Variants in SRBD1 observed in about 807,000 individuals in gnomAD.
The protein encoded by SRBD1 is S1 RNA-binding domain-containing protein 1.
In SRBD1, 88 loss-of-function variants were observed where a neutral mutation model predicts 115.3. That is an observed-to-expected ratio of 0.76 (90% CI 0.64 to 0.91). The LOEUF is 0.91. Ranked by LOEUF, SRBD1 falls within the 40% of genes least tolerant of loss-of-function variation. The pLI, the probability that SRBD1 is intolerant of heterozygous loss-of-function variation, is 0.00. For missense variants in SRBD1, 1,385 were observed against 1,177.4 expected, an observed-to-expected ratio of 1.18 and a Z score of -2.58; for synonymous variants, 509 against 407.7, an observed-to-expected ratio of 1.25 and a Z score of -2.99.
chr2:45,400,064 C>G (rs945026527), intron 19 of SRBD1, among the ~76,000 whole-genome samples: 1 of 152,144 alleles, frequency 6.6e-6, no homozygotes, highest in African/African-American at 2.4e-5. Flanking sequence ...GCCATCCTGT[C>G]AAGGAATCCT....
chr2:45,521,657 A>G (rs1572729529), intron 14 of SRBD1, among the ~76,000 whole-genome samples: 1 of 152,246 alleles, frequency 6.6e-6, no homozygotes, highest in East Asian at 1.9e-4. Flanking sequence ...CATATATATT[A>G]CCAGCAATTA....
At chr2:45,531,193 T>C (rs1394929040) in intron 14 of SRBD1, among the ~76,000 whole-genome samples, 1 of 151,794 alleles carries the variant, frequency 6.6e-6, no homozygotes, top group Non-Finnish European at 1.5e-5. Flanking sequence ...GTTGGTTTCT[T>C]ATCCTTTACA....
chr2:45,514,542 A>T (rs2103936059), intron 14 of SRBD1, among the ~76,000 whole-genome samples: 1 of 152,314 alleles, frequency 6.6e-6, no homozygotes, highest in Non-Finnish European at 1.5e-5. Flanking sequence ...TTTAGCTAAC[A>T]TTTAAACTAA....
At chr2:45,434,888 T>G (rs1163722059) in intron 16 of SRBD1, among the ~76,000 whole-genome samples, 4 of 152,062 alleles carry the variant, frequency 2.6e-5, no homozygotes, top group African/African-American at 9.7e-5. Flanking sequence ...GTCATTTACA[T>G]TAGGTATTTC....
chr2:45,539,443 G>A (rs113388393), intron 14 of SRBD1, among the ~76,000 whole-genome samples: 60 of 152,268 alleles, frequency 3.9e-4, no homozygotes, highest in African/African-American at 1.1e-3. Context: ...TCTCACATAT[G>A]TAAAGCTAGG....
At chr2:45,514,771 C>T (rs975851514) in intron 14 of SRBD1, among the ~76,000 whole-genome samples, 3 of 152,144 alleles carry the variant, frequency 2.0e-5, no homozygotes, top group African/African-American at 7.2e-5. Flanking sequence ...TCATCCCAGT[C>T]TCTCTGGAAT....
At chr2:45,542,797 C>A (rs772892019) in intron 14 of SRBD1, among the ~76,000 whole-genome samples, 1 of 152,136 alleles carries the variant, frequency 6.6e-6, no homozygotes, top group Admixed American at 6.5e-5. Context: ...AGCAACAACT[C>A]GAATATCCAT....
chr2:45,392,118 T>C (rs1291574344), intron 20 of SRBD1, among the ~76,000 whole-genome samples: 3 of 152,054 alleles, frequency 2.0e-5, no homozygotes, highest in African/African-American at 7.2e-5. Context: ...TATTTTTCTT[T>C]AACTTAAAAA....
At chr2:45,406,912 G>A (rs1323204444) in intron 19 of SRBD1, among the ~76,000 whole-genome samples, 1 of 151,712 alleles carries the variant, frequency 6.6e-6, no homozygotes, top group African/African-American at 2.4e-5. Context: ...TGTAACACAA[G>A]CCCTGTTACT....
At chr2:45,399,023 A>G (rs1454249528) in intron 19 of SRBD1, among the ~76,000 whole-genome samples, 1 of 152,130 alleles carries the variant, frequency 6.6e-6, no homozygotes, top group African/African-American at 2.4e-5. Flanking sequence ...TTAAAATATC[A>G]GTCTTCTCAC....
At chr2:45,576,105 A>G (rs550529251) in intron 7 of SRBD1, among the ~76,000 whole-genome samples, 1 of 151,634 alleles carries the variant, frequency 6.6e-6, no homozygotes, top group South Asian at 2.1e-4. Context: ...GCTATTCCTG[A>G]GACAGAAACA....
At chr2:45,487,266 T>C (rs1670150074) in intron 15 of SRBD1, among the ~76,000 whole-genome samples, 1 of 152,214 alleles carries the variant, frequency 6.6e-6, no homozygotes, top group Non-Finnish European at 1.5e-5. Context: ...GTGGTCTAAA[T>C]ATTCACTTAT....
chr2:45,423,520 A>C (rs979615141), intron 16 of SRBD1, among the ~76,000 whole-genome samples: 23 of 152,160 alleles, frequency 1.5e-4, no homozygotes, highest in African/African-American at 4.8e-4. Flanking sequence ...AGAAATATAA[A>C]ATCTGAACAA....
At chr2:45,440,805 A>T (rs1558396419) in intron 16 of SRBD1, among the ~76,000 whole-genome samples, 1 of 152,202 alleles carries the variant, frequency 6.6e-6, no homozygotes, top group Non-Finnish European at 1.5e-5. Flanking sequence ...AGACAGAAAG[A>T]GAGAGACAGA....
chr2:45,407,881 A>T (rs529176865), intron 19 of SRBD1, among the ~76,000 whole-genome samples: 1 of 152,126 alleles, frequency 6.6e-6, no homozygotes, highest in South Asian at 2.1e-4. Flanking sequence ...TTAAAAAATT[A>T]TATAAATAAT....
At chr2:45,577,452 A>G (rs1673215187) in intron 7 of SRBD1, among the ~76,000 whole-genome samples, 1 of 152,226 alleles carries the variant, frequency 6.6e-6, no homozygotes, top group South Asian at 2.1e-4. Flanking sequence ...CCACACCTGT[A>G]AACAAAAACC....
At chr2:45,488,549 C>A (rs986915238) in intron 14 of SRBD1, among the ~76,000 whole-genome samples, 1 of 152,004 alleles carries the variant, frequency 6.6e-6, no homozygotes, top group Non-Finnish European at 1.5e-5. Context: ...GACTTAAATC[C>A]ATAATGAATT....
At position 45,532,216 on chromosome 2, in the gene SRBD1, A is replaced by G. The variant is rs138398593; in HGVS notation, c.1874+14516T>C. On this transcript the variant is annotated intron_variant, in intron 14 of 20. Coordinates refer to ENST00000263736, the MANE Select transcript of SRBD1 (RefSeq NM_018079.5). ...ACCACCCTCCCCAAGACTTAAAACAACTGCTTTAAATTTCTTTTCATGCAG... is the reference window on the plus strand; with the variant it reads ...ACCACCCTCCCCAAGACTTAAAACAGCTGCTTTAAATTTCTTTTCATGCAG... Among the ~76,000 whole-genome samples, 1,114 of 151,898 alleles carry G rather than the reference A, an allele frequency of 7.3e-3. 21 individuals carry two copies. The highest frequency in any genetic ancestry group is 0.016 in the South Asian group (78 of 4,818).
At position 45,535,122 on chromosome 2, in the gene SRBD1, A is replaced by C. The variant is rs116239242; in HGVS notation, c.1874+11610T>G. On this transcript the variant is annotated intron_variant, in intron 14 of 20. Coordinates refer to ENST00000263736, the MANE Select transcript of SRBD1 (RefSeq NM_018079.5). ...TTGAAAAGCATGTCTCCAAATCTTG[A>C]CTGAATTATTGACTAAAATGTTAAC... Among the ~76,000 whole-genome samples, 459 of 152,140 alleles carry C rather than the reference A, an allele frequency of 3.0e-3. 7 individuals carry two copies. Among genetic ancestry groups the C allele is most frequent in the African/African-American group, 0.011 (438 of 41,542 alleles).
Sources: gnomAD v4.1 joint callset for allele counts (sites outside exome capture counted in the v4.1 genomes callset) on GRCh38, gnomAD v4.1.1 for gene constraint, MANE v1.5 for transcripts, NCBI Gene and HGNC (gene_info 2026-07-23, HGNC 2026-07-21) for gene names.